Variants in SLCO5A1 observed in about 807,000 individuals in gnomAD.
SLCO5A1 encodes the protein solute carrier organic anion transporter family member 5A1.
SLCO5A1 carries 39 observed loss-of-function variants against 65.1 expected under a neutral mutation model. That is an observed-to-expected ratio of 0.60 (90% CI 0.46 to 0.78). The LOEUF (loss-of-function observed/expected upper bound fraction) is 0.78. SLCO5A1 is among the 30% of genes least tolerant of loss of function. The pLI, the probability that SLCO5A1 is intolerant of heterozygous loss-of-function variation, is 0.00. For synonymous variants in SLCO5A1, 438 were observed against 415.7 expected, an observed-to-expected ratio of 1.05 and a Z score of -0.65; for missense variants, 1,029 against 1,069.4, an observed-to-expected ratio of 0.96 and a Z score of 0.53.
At position 69,784,922 on chromosome 8, in the gene SLCO5A1, G is replaced by C. The variant is rs563498434; in HGVS notation, c.908-23047C>G. On this transcript the variant is annotated intron_variant, in intron 2 of 9. Transcript: ENST00000260126. The stretch of plus-strand genomic sequence containing the variant: ...AGAAAGAAAGAAAGAAAGAAAGAAA[G>C]AAAGAAAGAAAGAAAGAAAGAAAGA... Among the ~76,000 whole-genome samples the C allele has an allele frequency of 6.5e-5, 8 of 122,664 alleles. 1 individual carries two copies. The Admixed American group carries it at 6.6e-4, about 10-fold the overall frequency. 80.5% of individuals were successfully genotyped at this position (122,664 alleles called of 152,430 possible).
At chr8:69,773,966 G>T (rs1301304589) in intron 2 of SLCO5A1, among the ~76,000 whole-genome samples, 1 of 152,228 alleles carries the variant, frequency 6.6e-6, no homozygotes, top group East Asian at 1.9e-4. Flanking sequence ...CCACCCTGCT[G>T]CAGTTTTCAT....
chr8:69,754,004 C>CAAAAAAA (rs71556780), intron 4 of SLCO5A1, among the ~76,000 whole-genome samples: 11 of 73,464 alleles, frequency 1.5e-4, no homozygotes, highest in South Asian at 4.9e-4. Flanking sequence ...TGACCTATCT[C>CAAAAAAA]AAAAAAAAAA....
intron 9 of SLCO5A1, among the ~76,000 whole-genome samples, chr8:69,674,867 A>T (rs1376820076): frequency 2.1e-5 from 1 of 48,144 alleles, no homozygotes; most frequent in Non-Finnish European, 4.0e-5. Context: ...CTAAAAAAAA[A>T]AACAAAAAAA....
chr8:69,758,426 C>T (rs973089434), intron 3 of SLCO5A1, among the ~76,000 whole-genome samples: 79 of 152,066 alleles, frequency 5.2e-4, no homozygotes, highest in African/African-American at 1.7e-3. Context: ...GTGATCTGCC[C>T]GCCTCAGCTT....
chr8:69,766,170 G>T (rs893404927), intron 2 of SLCO5A1, among the ~76,000 whole-genome samples: 4 of 151,996 alleles, frequency 2.6e-5, no homozygotes, highest in Non-Finnish European at 4.4e-5. Flanking sequence ...CTGGAAAACT[G>T]CCCTAGGCCT....
intron 2 of SLCO5A1, among the ~76,000 whole-genome samples, chr8:69,802,795 A>G (rs1819806865): frequency 6.6e-6 from 1 of 152,122 alleles, no homozygotes; most frequent in Non-Finnish European, 1.5e-5. Context: ...TCCTACAAAG[A>G]GACCTACTTT....
intron 5 of SLCO5A1, among the ~76,000 whole-genome samples, chr8:69,710,824 C>A (rs925918871): frequency 6.6e-6 from 1 of 152,164 alleles, no homozygotes; most frequent in African/African-American, 2.4e-5. Context: ...TGAAAATGTT[C>A]TTCGGCGCCC....
In SLCO5A1 at chr8:69,679,457, T is replaced by A. The variant is rs772273114; in HGVS notation, c.1945A>T (p.Ile649Phe). ...GKCKRTCNTL[I>F]PFLVFLFIVT... ...ATGAAAAGAAAAACTAAGAATGGGA[T>A]AAGAGTATTGCAGGTCCGTTTACAT... The change falls in exon 8 of 10, where the codon ATC becomes TTC. Residue 649 changes from isoleucine (I) to phenylalanine (F), a missense_variant. By Grantham distance (21) the Ile-to-Phe change is conservative. This residue lies in a region of SLCO5A1 where 124 missense variants were observed against 184.5 expected (regional missense o/e 0.67). Coordinates refer to ENST00000260126, the MANE Select transcript of SLCO5A1 (RefSeq NM_030958.3). 9.3e-6 allele frequency: 15 copies of A among 1,614,212 alleles called. No homozygotes were observed. The highest frequency in any genetic ancestry group is 1.1e-5 in the Non-Finnish European group (13 of 1,180,022).
intron 8 of SLCO5A1, among the ~76,000 whole-genome samples, chr8:69,678,656 T>C (rs1046606863): frequency 1.3e-5 from 2 of 152,062 alleles, no homozygotes; most frequent in Non-Finnish European, 2.9e-5. Flanking sequence ...GTTATTGCAG[T>C]GCAAAAAAAT....
At chr8:69,794,348 C>A in intron 2 of SLCO5A1, 1 of 436,126 alleles carries the variant, frequency 2.3e-6, no homozygotes, top group South Asian at 1.9e-5. Context: ...GTAGACAGTT[C>A]ATCATAACTG....
At chr8:69,784,811 A>AAAAG (rs56110450) in intron 2 of SLCO5A1, among the ~76,000 whole-genome samples, 8,426 of 71,050 alleles carry the variant, frequency 0.12, 774 homozygotes, top group African/African-American at 0.12. Context: ...GAAAGAAAGA[A>AAAAG]AAAGAAAGAA....
At chr8:69,712,451 G>C (rs895210580) in intron 5 of SLCO5A1, among the ~76,000 whole-genome samples, 1 of 152,120 alleles carries the variant, frequency 6.6e-6, no homozygotes, top group Admixed American at 6.5e-5. Context: ...TTGCCAATTT[G>C]TATTGTAAAT....
At chr8:69,692,117 C>A (rs1001014828) in intron 6 of SLCO5A1, among the ~76,000 whole-genome samples, 2 of 152,066 alleles carry the variant, frequency 1.3e-5, no homozygotes, top group Non-Finnish European at 2.9e-5. Flanking sequence ...GGTGTGGTGG[C>A]GGGCGCCTGT....
At chr8:69,811,707 T>A (rs1308899084) in intron 2 of SLCO5A1, among the ~76,000 whole-genome samples, 3 of 152,240 alleles carry the variant, frequency 2.0e-5, no homozygotes, top group African/African-American at 7.2e-5. Flanking sequence ...ACTCTCTTCC[T>A]GAACGGAATT....
At chr8:69,794,078 G>A (rs1056302241) in intron 2 of SLCO5A1, 1 of 185,316 alleles carries the variant, frequency 5.4e-6, no homozygotes, top group Non-Finnish European at 1.1e-5. Flanking sequence ...CTTTCTGGGA[G>A]TCATGGTTTC....
At chr8:69,749,075 G>A (rs898058354) in intron 4 of SLCO5A1, among the ~76,000 whole-genome samples, 1 of 152,210 alleles carries the variant, frequency 6.6e-6, no homozygotes, top group Non-Finnish European at 1.5e-5. Context: ...GCCCAGGCAT[G>A]TAGCTTTTAG....
At chr8:69,777,873 C>T (rs899178932) in intron 2 of SLCO5A1, among the ~76,000 whole-genome samples, 1 of 152,194 alleles carries the variant, frequency 6.6e-6, no homozygotes, top group Admixed American at 6.5e-5. Context: ...AACTCCACAA[C>T]TGTCAACTGT....
Position 69,679,530 on chromosome 8 carries a change from A to T in SLCO5A1, c.1872T>A (p.Val624=), listed in dbSNP as rs1263709507. The T allele has an allele frequency of 6.2e-7, 1 of 1,614,210 alleles. No homozygotes were observed. The highest frequency in any genetic ancestry group is 8.5e-7 in the Non-Finnish European group (1 of 1,180,036). The change falls in exon 8 of 10, where the codon GTT becomes GTA. Residue 624 remains valine, a synonymous_variant. Coordinates refer to ENST00000260126, the MANE Select transcript of SLCO5A1 (RefSeq NM_030958.3). ...TCTCATTGAGATAAGTCTTGACAAT[A>T]ACCACACGGAGCTGACTTCGCTGTC... ...TVGQRSQLRV[V]IVKTYLNENG...
Position 69,832,037 on chromosome 8 carries a change from C to T in SLCO5A1, c.637G>A (p.Ala213Thr). The T allele has an allele frequency of 6.2e-7, 1 of 1,609,730 alleles. No individual in the cohort carries two copies. The highest frequency in any genetic ancestry group is 8.5e-7 in the Non-Finnish European group (1 of 1,178,364). The change falls in exon 2 of 10, where the codon GCC becomes ACC. Residue 213 changes from alanine to threonine, a missense_variant. This residue lies in a region of SLCO5A1 where 647 missense variants were observed against 647.5 expected (regional missense o/e 1.00). Transcript: ENST00000260126. This position sits in a 1 kb window ranked among gnomAD's most constrained non-coding sequence, Gnocchi z 4.5. ...LLIAFGAALF[A>T]LPHFISPPYQ... ...GGGGGCGAGATGAAGTGAGGTAAGGCGAAGAGGGCTGCCCCGAAGGCGATG... is the reference window on the plus strand; with the variant it reads ...GGGGGCGAGATGAAGTGAGGTAAGGTGAAGAGGGCTGCCCCGAAGGCGATG...
Sources: gnomAD v4.1 joint callset for allele counts (sites outside exome capture counted in the v4.1 genomes callset) on GRCh38, gnomAD v4.1.1 for gene constraint, gnomAD v4.1.1 regional missense constraint, Gnocchi (gnomAD v3.1) non-coding constraint, MANE v1.5 for transcripts, NCBI Gene and HGNC (gene_info 2026-07-23, HGNC 2026-07-21) for gene names.